Variants in PRKN observed in about 807,000 individuals in gnomAD.
The protein encoded by PRKN is parkin RBR E3 ubiquitin protein ligase.
Under a neutral mutation model 59.5 loss-of-function variants are expected in PRKN, and 56 were observed. That is an observed-to-expected ratio of 0.94 (90% CI 0.76 to 1.18). The LOEUF (loss-of-function observed/expected upper bound fraction) is 1.18, where lower values mean the gene tolerates loss of function less well. Among genes scored for constraint, PRKN ranks in the 50% most tolerant of loss-of-function variants. The pLI is 0.00. For synonymous variants in PRKN, 250 were observed against 222.1 expected (o/e 1.13, Z -1.12); for missense variants, 657 against 596.4 (o/e 1.10, Z -1.06).
intron 2 of PRKN, chr6:162,270,672 A>G (rs1780341769): frequency 6.6e-6 from 1 of 152,244 alleles, no homozygotes; most frequent in Non-Finnish European, 1.5e-5. Context: ...TAATTTAAAA[A>G]TCAATAGTGT....
In PRKN at chr6:161,483,230, G is replaced by A. The variant is rs759116837; in HGVS notation, c.1083+65624C>T. Among the ~76,000 whole-genome samples the A allele has an allele frequency of 6.6e-6, 1 of 150,988 alleles. No homozygotes were observed. Among genetic ancestry groups the A allele is most frequent in the Non-Finnish European group, 1.5e-5 (1 of 67,926 alleles). On this transcript the variant is annotated intron_variant, in intron 9 of 11. Coordinates refer to ENST00000366898, the MANE Select transcript of PRKN (RefSeq NM_004562.3). The surrounding 1 kb of genome is among the most constrained non-coding windows in gnomAD (Gnocchi z 5.0). Reference sequence around the variant, plus strand: ...TGAGACTTCGCCAGAGATGCTTAGAGTTAGGTGAAATAGAGATAACTATTT... The same window carrying A: ...TGAGACTTCGCCAGAGATGCTTAGAATTAGGTGAAATAGAGATAACTATTT...
At chr6:162,386,083 T>C (rs1218754241) in intron 2 of PRKN, among the ~76,000 whole-genome samples, 1 of 152,164 alleles carries the variant, frequency 6.6e-6, no homozygotes, top group Non-Finnish European at 1.5e-5. Flanking sequence ...CATATAAATA[T>C]AGAGTCAACC....
chr6:161,565,503 G>T (rs141341006), intron 8 of PRKN, among the ~76,000 whole-genome samples: 2 of 152,078 alleles, frequency 1.3e-5, no homozygotes, highest in Non-Finnish European at 2.9e-5. Flanking sequence ...TGGTGTTCTC[G>T]TGATGGTGAA....
In PRKN at chr6:162,633,793, C is replaced by T. The variant is rs184765817; in HGVS notation, c.7+93869G>A. Among the ~76,000 whole-genome samples, 137 of 151,870 alleles carry T rather than the reference C, an allele frequency of 9.0e-4. 2 individuals carry two copies. The South Asian group carries it at 0.019, about 21-fold the overall frequency. ...TGATGTGAGGGATGGCAGGATGAAGCGAGGGAGGGAGGAACGTGTGTAGCT... is the reference window on the plus strand; with the variant it reads ...TGATGTGAGGGATGGCAGGATGAAGTGAGGGAGGGAGGAACGTGTGTAGCT... On this transcript the variant is annotated intron_variant, in intron 1 of 11. Coordinates refer to ENST00000366898, the MANE Select transcript of PRKN (RefSeq NM_004562.3).
rs1374122145 is a variant in PRKN at position 161,588,780 on chromosome 6, GAGA to G, written c.872-19367_872-19365del. 1.2e-4 allele frequency among the ~76,000 whole-genome samples: 19 copies of G among 152,302 alleles called. No individual in the cohort carries two copies. The highest frequency in any genetic ancestry group is 2.0e-4 in the Admixed American group (3 of 15,300). ...AAAATAAACCCAAAGTGGCTCTTGA[GAGA>G]AGGACAGAACTTAATTTTGGCACAA... On this transcript the variant is annotated intron_variant, in intron 7 of 11. Coordinates refer to ENST00000366898, the MANE Select transcript of PRKN (RefSeq NM_004562.3). This position sits in a 1 kb window ranked among gnomAD's most constrained non-coding sequence, Gnocchi z 5.0.
intron 3 of PRKN, among the ~76,000 whole-genome samples, chr6:162,233,336 C>T (rs1583237465): frequency 6.6e-6 from 1 of 152,038 alleles, no homozygotes; most frequent in East Asian, 1.9e-4. Context: ...AATGTATTGA[C>T]TGAAAATACA....
chr6:162,647,745 A>T (rs75138453), intron 1 of PRKN, among the ~76,000 whole-genome samples: 2 of 152,034 alleles, frequency 1.3e-5, no homozygotes, highest in East Asian at 3.9e-4. Context: ...AAGGAAGCAG[A>T]AAGTTTGTTT....
chr6:162,480,412 C>T (rs568900552), intron 1 of PRKN, among the ~76,000 whole-genome samples: 17 of 151,966 alleles, frequency 1.1e-4, no homozygotes, highest in African/African-American at 2.2e-4. Flanking sequence ...CAATTACTGA[C>T]GACCAAAAAT....
intron 2 of PRKN, among the ~76,000 whole-genome samples, chr6:162,281,907 A>T (rs1352692959): frequency 6.6e-6 from 1 of 151,804 alleles, no homozygotes; most frequent in Non-Finnish European, 1.5e-5. Flanking sequence ...TTTGTGGATG[A>T]AACTGGTCCA....
At chr6:162,652,498 T>G (rs1018671138) in intron 1 of PRKN, among the ~76,000 whole-genome samples, 1 of 152,132 alleles carries the variant, frequency 6.6e-6, no homozygotes, top group Non-Finnish European at 1.5e-5. Context: ...TTAAGACCAA[T>G]AGTATCCTTA....
chr6:161,720,475 C>T (rs1169500250), intron 7 of PRKN, among the ~76,000 whole-genome samples: 2 of 152,040 alleles, frequency 1.3e-5, no homozygotes, highest in Non-Finnish European at 2.9e-5. Context: ...GCACCGCAAA[C>T]TCATCTGCCC....
At chr6:162,581,532 G>A (rs983156595) in intron 1 of PRKN, among the ~76,000 whole-genome samples, 30 of 152,360 alleles carry the variant, frequency 2.0e-4, no homozygotes, top group African/African-American at 5.8e-4. Flanking sequence ...AGGGAAAGGC[G>A]GGCGGATCAC....
intron 1 of PRKN, among the ~76,000 whole-genome samples, chr6:162,683,108 C>T (rs1372066592): frequency 6.6e-6 from 1 of 152,118 alleles, no homozygotes; most frequent in East Asian, 1.9e-4. Flanking sequence ...TGCAAAACAG[C>T]TGCTATTTTT....
At chr6:161,924,681 C>T (rs1185889060) in intron 6 of PRKN, among the ~76,000 whole-genome samples, 20 of 152,206 alleles carry the variant, frequency 1.3e-4, no homozygotes, top group Non-Finnish European at 2.8e-4. Flanking sequence ...CCATTCCCCA[C>T]TGCCCAGGGA....
intron 10 of PRKN, among the ~76,000 whole-genome samples, chr6:161,375,674 C>T (rs974088752): frequency 1.3e-5 from 2 of 152,140 alleles, no homozygotes; most frequent in Admixed American, 6.5e-5. Context: ...GAAATGAAAC[C>T]GGGCCTTTGA....
intron 3 of PRKN, among the ~76,000 whole-genome samples, chr6:162,257,075 C>T (rs1779667223): frequency 6.6e-6 from 1 of 152,326 alleles, no homozygotes; most frequent in South Asian, 2.1e-4. Flanking sequence ...CCTGTGCTGC[C>T]CCGGCATGGT....
chr6:161,660,496 C>T (rs1303449014), intron 7 of PRKN, among the ~76,000 whole-genome samples: 1 of 152,160 alleles, frequency 6.6e-6, no homozygotes, highest in Non-Finnish European at 1.5e-5. Context: ...ATCAAAGACA[C>T]ACAGCTGAAG....
rs533408003 is a variant in PRKN, at chr6:162,569,264, T to C, written c.8-125791A>G. 54 of 587,902 alleles carry C rather than the reference T, an allele frequency of 9.2e-5. No homozygotes were observed. The Admixed American group carries it at 1.1e-3, about 13-fold the overall frequency. 36.4% of individuals were successfully genotyped at this position (587,902 alleles called of 1,614,324 possible). ...TGAGGGCCTCAAAAGCCAGAGGGCT[T>C]CCCTGGAGGCCACCATCGCAGATGT... On this transcript the variant is annotated intron_variant, in intron 1 of 11. Coordinates refer to ENST00000366898, the MANE Select transcript of PRKN (RefSeq NM_004562.3).
At chr6:162,558,327 CTTTT>C (rs71278562) in intron 1 of PRKN, among the ~76,000 whole-genome samples, 2 of 132,716 alleles carry the variant, frequency 1.5e-5, no homozygotes, top group African/African-American at 5.5e-5. Flanking sequence ...TTAATTTTCC[CTTTT>C]TTTTTTTTTT....
Sources: allele counts gnomAD v4.1 joint callset (sites outside exome capture counted in the v4.1 genomes callset), GRCh38; gene constraint gnomAD v4.1.1; non-coding constraint Gnocchi (gnomAD v3.1); transcripts MANE v1.5; gene names NCBI Gene and HGNC (gene_info 2026-07-23, HGNC 2026-07-21).